The following COTL1 variants were observed in gnomAD, a reference collection of about 807,000 sequenced individuals.
COTL1 encodes coactosin-like protein.
A neutral mutation model predicts 16.5 loss-of-function variants in COTL1; 15 were observed. The ratio of observed to expected loss-of-function variants is 0.91; its 90% CI spans 0.61 to 1.40. The LOEUF is 1.40. Ranked by LOEUF, COTL1 falls within the 40% of genes most tolerant of loss-of-function variation. The probability of loss-of-function intolerance (pLI) is 0.00; values close to 1 mark genes in which losing one functional copy is unlikely to be tolerated. For missense variants in COTL1, 220 were observed against 201.5 expected, an observed-to-expected ratio of 1.09 and a Z score of -0.56; for synonymous variants, 112 against 85.3, an observed-to-expected ratio of 1.31 and a Z score of -1.73.
rs1567529002 is a variant in COTL1 at position 84,566,794 on chromosome 16, CGGGGA to C, written c.*46_*50del. On this transcript the variant is annotated 3_prime_UTR_variant, in exon 4 of 4. Transcript: ENST00000262428. The stretch of plus-strand genomic sequence containing the variant: ...AGCTGAGGCCGGCGGTCCTCTCCCC[CGGGGA>C]GCAGGCAGATGACTTTGGCAAGGGG... The C allele has an allele frequency of 7.5e-7, 1 of 1,326,094 alleles. No homozygotes were observed. Among genetic ancestry groups the C allele is most frequent in the Admixed American group, 1.7e-5 (1 of 58,744 alleles). 82.1% of individuals were successfully genotyped at this position (1,326,094 alleles called of 1,614,324 possible).
At position 84,566,821 on chromosome 16, in the gene COTL1, G is replaced by C. The variant is rs768111166; in HGVS notation, c.*24C>G. ...GGGAGCAGGCAGATGACTTTGGCAA[G>C]GGGTGGTGTGGCGGGGGCTGGGGTT... On this transcript the variant is annotated 3_prime_UTR_variant, in exon 4 of 4. Transcript: ENST00000262428. 5.9e-6 allele frequency: 9 copies of C among 1,534,462 alleles called. No homozygotes were observed. The highest frequency in any genetic ancestry group is 2.7e-5 in the African/African-American group (2 of 73,306).
chr16:84,595,519 T>G (rs1213860235), intron 2 of COTL1: 1 of 152,212 alleles, frequency 6.6e-6, no homozygotes, highest in Non-Finnish European at 1.5e-5. Flanking sequence ...GAATCGCTAG[T>G]TCTTCATCCC....
intron 2 of COTL1, among the ~76,000 whole-genome samples, chr16:84,605,632 T>C (rs1905197501): frequency 6.6e-6 from 1 of 152,212 alleles, no homozygotes; most frequent in South Asian, 2.1e-4. Context: ...CTGCCAGTAC[T>C]GGCTTTGAAG....
chr16:84,617,923 A>C lies in COTL1; in HGVS notation c.-9T>G, dbSNP rs1181808539. ...TCGATCTTGGTGGCCATCGCCGCGG[A>C]GCCGCAGCGGGACACTGTCCGGGGC... On this transcript the variant is annotated 5_prime_UTR_variant, in exon 1 of 4. Coordinates refer to ENST00000262428, the MANE Select transcript of COTL1 (RefSeq NM_021149.5). The C allele has an allele frequency of 6.5e-7, 1 of 1,549,476 alleles. No individual in the cohort carries two copies. Among genetic ancestry groups the C allele is most frequent in the Non-Finnish European group, 8.7e-7 (1 of 1,147,524 alleles).
At chr16:84,601,471 C>T (rs191261110) in intron 2 of COTL1, among the ~76,000 whole-genome samples, 44 of 152,030 alleles carry the variant, frequency 2.9e-4, no homozygotes, top group Non-Finnish European at 4.6e-4. Flanking sequence ...TTCTTTTATC[C>T]CCCCGAGACG....
intron 2 of COTL1, among the ~76,000 whole-genome samples, chr16:84,592,507 A>G (rs907095566): frequency 3.9e-5 from 6 of 151,944 alleles, no homozygotes; most frequent in Non-Finnish European, 5.9e-5. Context: ...GAAATCTTAA[A>G]CGCAGCTTCT....
At chr16:84,602,618 G>A (rs1004227666) in intron 2 of COTL1, among the ~76,000 whole-genome samples, 3 of 152,138 alleles carry the variant, frequency 2.0e-5, no homozygotes, top group African/African-American at 7.2e-5. Context: ...ACTTTGGGAG[G>A]CCAAGGCGAG....
intron 2 of COTL1, among the ~76,000 whole-genome samples, chr16:84,591,852 T>TA (rs1405605108): frequency 7.4e-6 from 1 of 135,436 alleles, no homozygotes; most frequent in Non-Finnish European, 1.6e-5. Flanking sequence ...TAAAATAAAA[T>TA]AAAATAAAAT....
At chr16:84,582,669 C>T (rs1249850955) in intron 3 of COTL1, among the ~76,000 whole-genome samples, 4 of 152,148 alleles carry the variant, frequency 2.6e-5, no homozygotes, top group Admixed American at 2.6e-4. Flanking sequence ...GGTAAGAAAT[C>T]CGGGTTTTGA....
chr16:84,575,222 G>A (rs1466898978), intron 3 of COTL1: 1 of 152,110 alleles, frequency 6.6e-6, no homozygotes, highest in African/African-American at 2.4e-5. Flanking sequence ...ATTTTTAGTA[G>A]AGACGGGGTT....
At chr16:84,615,055 A>G (rs889093369) in intron 2 of COTL1, among the ~76,000 whole-genome samples, 1 of 152,234 alleles carries the variant, frequency 6.6e-6, no homozygotes, top group Admixed American at 6.5e-5. Context: ...AGGCACGTCG[A>G]GCGTGGTGAC....
At chr16:84,585,305 A>C (rs1440869994) in intron 3 of COTL1, among the ~76,000 whole-genome samples, 1 of 146,962 alleles carries the variant, frequency 6.8e-6, no homozygotes, top group Admixed American at 6.9e-5. Context: ...CAGTGAGCTG[A>C]GATTGTGCCA....
chr16:84,587,266 G>T (rs1449689284), intron 3 of COTL1, among the ~76,000 whole-genome samples: 2 of 152,180 alleles, frequency 1.3e-5, no homozygotes, highest in Non-Finnish European at 2.9e-5. Flanking sequence ...TGAAACAAAT[G>T]GCCTTTGTCA....
intron 2 of COTL1, among the ~76,000 whole-genome samples, chr16:84,611,610 C>T (rs897302040): frequency 6.6e-6 from 1 of 152,180 alleles, no homozygotes; most frequent in African/African-American, 2.4e-5. Flanking sequence ...TGCCTACAGT[C>T]GTGCCCCACA....
At chr16:84,577,489 C>A (rs976933866) in intron 3 of COTL1, among the ~76,000 whole-genome samples, 1 of 152,234 alleles carries the variant, frequency 6.6e-6, no homozygotes, top group East Asian at 1.9e-4. Flanking sequence ...AGGTGATCCA[C>A]CTGCCTCGGT....
At chr16:84,611,363 T>C (rs752045641) in intron 2 of COTL1, among the ~76,000 whole-genome samples, 1 of 152,242 alleles carries the variant, frequency 6.6e-6, no homozygotes, top group South Asian at 2.1e-4. Flanking sequence ...TACGTAGCCA[T>C]TTTTAAACTG....
chr16:84,582,049 A>C (rs1904608987), intron 3 of COTL1, among the ~76,000 whole-genome samples: 1 of 110,622 alleles, frequency 9.0e-6, no homozygotes, highest in African/African-American at 4.7e-5. Flanking sequence ...GCAGTGGTGC[A>C]ATCTCTCGGC....
chr16:84,591,686 G>A (rs950556383), intron 2 of COTL1, among the ~76,000 whole-genome samples: 59 of 146,070 alleles, frequency 4.0e-4, no homozygotes, highest in African/African-American at 1.3e-3. Flanking sequence ...AGCTGGGCAC[G>A]GTGGCAGGCA....
At chr16:84,616,830 C>A (rs930040436) in intron 2 of COTL1, among the ~76,000 whole-genome samples, 6 of 152,068 alleles carry the variant, frequency 3.9e-5, no homozygotes, top group Non-Finnish European at 7.4e-5. Flanking sequence ...ACCTGCATAA[C>A]CCCCTCCCAG....
Sources: allele counts gnomAD v4.1 joint callset (sites outside exome capture counted in the v4.1 genomes callset), GRCh38; gene constraint gnomAD v4.1.1; transcripts MANE v1.5; gene names NCBI Gene and HGNC (gene_info 2026-07-23, HGNC 2026-07-21).